Variants in SLC25A43 observed in about 807,000 individuals in gnomAD.
The protein encoded by SLC25A43 is solute carrier family 25 member 43.
A neutral mutation model predicts 22.8 loss-of-function variants in SLC25A43; 10 were observed. The observed-to-expected ratio is 0.44, with a 90% CI of 0.27 to 0.74. The LOEUF is 0.74. Ranked by LOEUF, SLC25A43 falls within the 30% of genes least tolerant of loss-of-function variation. The pLI, the probability that SLC25A43 is intolerant of heterozygous loss-of-function variation, is 0.17. For synonymous variants in SLC25A43, 106 were observed against 121.6 expected, an observed-to-expected ratio of 0.87 and a Z score of 0.84; for missense variants, 233 against 279.1, an observed-to-expected ratio of 0.83 and a Z score of 1.18.
chrX:119,402,840 T>C (rs1176610666), intron 1 of SLC25A43, among the ~76,000 whole-genome samples: 1 of 110,463 alleles, frequency 9.1e-6, no homozygotes, highest in Admixed American at 9.7e-5. Context: ...GCCCTGACTC[T>C]GAGATTCTAA....
At chrX:119,429,743 A>G (rs773461249) in intron 3 of SLC25A43, among the ~76,000 whole-genome samples, 2 of 111,882 alleles carry the variant, frequency 1.8e-5, no homozygotes, top group East Asian at 5.6e-4. Context: ...AGGGTGACTG[A>G]AAGTGTTCAG....
intron 3 of SLC25A43, among the ~76,000 whole-genome samples, chrX:119,430,691 A>G (rs1056465339): frequency 2.7e-5 from 3 of 112,196 alleles, no homozygotes; most frequent in African/African-American, 9.7e-5. Context: ...TTAAATTGCA[A>G]TCTCTAGGGG....
chrX:119,421,088 G>A (rs112518164), intron 3 of SLC25A43, among the ~76,000 whole-genome samples: 2,158 of 92,832 alleles, frequency 0.023, 58 homozygotes, highest in African/African-American at 0.08. Flanking sequence ...CTCCAGCCTC[G>A]GTGACAGAGC....
chrX:119,426,030 C>T (rs1048190906), intron 3 of SLC25A43, among the ~76,000 whole-genome samples: 1 of 111,696 alleles, frequency 9.0e-6, no homozygotes, highest in African/African-American at 3.3e-5. Context: ...GATGTTCCCA[C>T]CCTCACTCCC....
At chrX:119,429,768 C>G (rs1409167535) in intron 3 of SLC25A43, among the ~76,000 whole-genome samples, 1 of 111,571 alleles carries the variant, frequency 9.0e-6, no homozygotes, top group African/African-American at 3.3e-5. Context: ...CTCCTGACTT[C>G]GTGTGGAGGT....
At chrX:119,448,834 G>A (rs1336016811) in intron 3 of SLC25A43, among the ~76,000 whole-genome samples, 1 of 111,842 alleles carries the variant, frequency 8.9e-6, no homozygotes, top group African/African-American at 3.3e-5. Flanking sequence ...AGGGACTTTT[G>A]TCTGTTTGGT....
chrX:119,423,373 T>A (rs1380110539), intron 3 of SLC25A43: 1 of 109,752 alleles, frequency 9.1e-6, no homozygotes, highest in East Asian at 2.9e-4. Flanking sequence ...CTACTAAAAA[T>A]ACAAAATTAT....
intron 3 of SLC25A43, among the ~76,000 whole-genome samples, chrX:119,411,565 G>A (rs2052350119): frequency 9.1e-6 from 1 of 110,084 alleles, no homozygotes; most frequent in South Asian, 3.8e-4. Context: ...CCTAGAATCA[G>A]AAGTTCCAAA....
At chrX:119,416,018 A>AC (rs2052397627) in intron 3 of SLC25A43, among the ~76,000 whole-genome samples, 1 of 107,786 alleles carries the variant, frequency 9.3e-6, no homozygotes, top group African/African-American at 3.4e-5. Context: ...AAAAAAAAAA[A>AC]AAAAAAAAAG....
rs936868083 is a variant in SLC25A43 at position 119,399,737 on chromosome X, C to G, written c.275+59C>G. 36 of 967,197 alleles carry G rather than the reference C, an allele frequency of 3.7e-5. No homozygotes were observed. The South Asian group carries it at 1.3e-3, about 34-fold the overall frequency. The allele number at this position is 967,197 out of a possible 1,213,427, so 79.7% of individuals were successfully genotyped here. On this transcript the variant is annotated intron_variant, in intron 1 of 4. Coordinates refer to ENST00000217909, the MANE Select transcript of SLC25A43 (RefSeq NM_145305.3). ...CCGGACGGGGGTGGGGTGGGGGAGC[C>G]GCGGCCCGACGCCGCCCTGCTGCCT...
intron 1 of SLC25A43, among the ~76,000 whole-genome samples, chrX:119,401,292 T>A (rs2052235539): frequency 9.0e-6 from 1 of 111,162 alleles, no homozygotes; most frequent in South Asian, 3.8e-4. Context: ...CTACATTAAG[T>A]CCCCACTGTG....
chrX:119,426,653 T>C (rs767737688), intron 3 of SLC25A43, among the ~76,000 whole-genome samples: 3 of 110,223 alleles, frequency 2.7e-5, no homozygotes, highest in African/African-American at 9.9e-5. Context: ...CGAAACCCCG[T>C]CTCTAATAAA....
intron 3 of SLC25A43, among the ~76,000 whole-genome samples, chrX:119,448,466 T>G (rs190946419): frequency 4.5e-5 from 5 of 111,655 alleles, no homozygotes; most frequent in Non-Finnish European, 1.9e-5. Flanking sequence ...TAGCCACCAT[T>G]TACTTTTGTG....
chrX:119,452,768 C>G, intron 4 of SLC25A43, 97 bp from the exon 5 acceptor site: 1 of 667,721 alleles, frequency 1.5e-6, no homozygotes, highest in East Asian at 3.4e-5. Context: ...CATTATCTCA[C>G]TTTACAAGAT....
At chrX:119,444,491 G>A (rs759124151) in intron 3 of SLC25A43, among the ~76,000 whole-genome samples, 5 of 102,850 alleles carry the variant, frequency 4.9e-5, no homozygotes, top group Non-Finnish European at 7.9e-5. Flanking sequence ...GGATCACGAG[G>A]TCGAGAGATC....
intron 3 of SLC25A43, among the ~76,000 whole-genome samples, chrX:119,434,324 T>C (rs2052579439): frequency 9.1e-6 from 1 of 109,438 alleles, no homozygotes. Flanking sequence ...AGATGTTCAG[T>C]AGACTTCTGA....
intron 2 of SLC25A43, among the ~76,000 whole-genome samples, chrX:119,409,412 G>A (rs948067105): frequency 1.0e-4 from 11 of 108,068 alleles, no homozygotes; most frequent in Admixed American, 5.1e-4. Context: ...TAGAGACGAG[G>A]TCAGGCTGGT....
chrX:119,427,607 G>C (rs2052518850), intron 3 of SLC25A43, among the ~76,000 whole-genome samples: 1 of 111,972 alleles, frequency 8.9e-6, no homozygotes. Context: ...AATATGACTG[G>C]CATTTTTTTT....
intron 3 of SLC25A43, among the ~76,000 whole-genome samples, chrX:119,421,111 C>CAAAAAA (rs55775067): frequency 6.0e-5 from 3 of 50,395 alleles, no homozygotes; most frequent in Admixed American, 2.8e-4. Flanking sequence ...AACTTCATCT[C>CAAAAAA]AAAAAAAAAA....
Sources: allele counts gnomAD v4.1 joint callset (sites outside exome capture counted in the v4.1 genomes callset), GRCh38; gene constraint gnomAD v4.1.1; transcripts MANE v1.5; gene names NCBI Gene and HGNC (gene_info 2026-07-23, HGNC 2026-07-21).